SHROOM3: variants seen among roughly 807,000 people sequenced by gnomAD.
The protein encoded by SHROOM3 is protein Shroom3.
A neutral mutation model predicts 138.6 loss-of-function variants in SHROOM3; 47 were observed. The ratio of observed to expected loss-of-function variants is 0.34; its 90% confidence interval spans 0.27 to 0.43. The LOEUF (loss-of-function observed/expected upper bound fraction) is 0.43. SHROOM3 is among the 20% of genes least tolerant of loss of function. The pLI is 1.00. For missense variants in SHROOM3, 2,491 were observed against 2,596.5 expected (o/e 0.96, Z 0.88); for synonymous variants, 1,062 against 1,063.3 (o/e 1.00, Z 0.02).
At chr4:76,700,042 G>A (rs137987386) in intron 2 of SHROOM3, among the ~76,000 whole-genome samples, 59 of 152,266 alleles carry the variant, frequency 3.9e-4, no homozygotes, top group Non-Finnish European at 6.3e-4. Flanking sequence ...AGCTGGCCTC[G>A]TGTCCACTCG....
intron 1 of SHROOM3, among the ~76,000 whole-genome samples, chr4:76,543,385 A>G (rs1467237782): frequency 6.6e-6 from 1 of 152,152 alleles, no homozygotes; most frequent in Non-Finnish European, 1.5e-5. Flanking sequence ...TCCTGGAGGT[A>G]TACGAGCGTG....
chr4:76,630,646 G>A (rs1045439227), intron 2 of SHROOM3, among the ~76,000 whole-genome samples: 3 of 152,186 alleles, frequency 2.0e-5, no homozygotes, highest in Admixed American at 6.5e-5. Context: ...TCACAAAAAA[G>A]TGATTCTTTT....
intron 6 of SHROOM3, among the ~76,000 whole-genome samples, chr4:76,753,847 T>G (rs913512856): frequency 6.6e-6 from 1 of 152,188 alleles, no homozygotes. Flanking sequence ...CAGCAGCCCA[T>G]GCAAATGCTT....
intron 2 of SHROOM3, among the ~76,000 whole-genome samples, chr4:76,624,179 A>G (rs938170705): frequency 6.6e-6 from 1 of 152,188 alleles, no homozygotes; most frequent in African/African-American, 2.4e-5. Context: ...ATTTCTCATT[A>G]AATGCCAGAG....
At chr4:76,641,170 A>G (rs1275414192) in intron 2 of SHROOM3, among the ~76,000 whole-genome samples, 3 of 152,194 alleles carry the variant, frequency 2.0e-5, no homozygotes, top group African/African-American at 7.2e-5. Context: ...AATGCAGGAA[A>G]TATTTATTGA....
Position 76,685,372 on chromosome 4 carries a change from AACAAAAAAAAATC to A in SHROOM3, c.324-24772_324-24760del, listed in dbSNP as rs754234876. Among the ~76,000 whole-genome samples the A allele has an allele frequency of 2.1e-4, 31 of 144,242 alleles. 1 individual carries two copies. The highest frequency in any genetic ancestry group is 1.1e-3 in the Admixed American group (16 of 14,418). 94.6% of individuals were successfully genotyped at this position (144,242 alleles called of 152,430 possible). A position where few individuals can be genotyped will look rare whatever the true frequency, so the allele number is the denominator to read the frequency against. ...ACTAACGATAGCTGATGAGCTAAAA[AACAAAAAAAAATC>A]ACAAAAAAAAAATCCCATAATGTTT... On this transcript the variant is annotated intron_variant, in intron 2 of 10. Coordinates refer to ENST00000296043, the MANE Select transcript of SHROOM3 (RefSeq NM_020859.4).
chr4:76,691,591 G>A (rs1719541901), intron 2 of SHROOM3, among the ~76,000 whole-genome samples: 2 of 152,128 alleles, frequency 1.3e-5, no homozygotes, highest in South Asian at 4.1e-4. Flanking sequence ...TTTCTGGGAA[G>A]GTATAGGTGA....
At chr4:76,635,903 A>C (rs1735481436) in intron 2 of SHROOM3, among the ~76,000 whole-genome samples, 1 of 152,226 alleles carries the variant, frequency 6.6e-6, no homozygotes, top group Non-Finnish European at 1.5e-5. Flanking sequence ...TCAACATCAG[A>C]AATACCCATT....
chr4:76,639,851 A>G (rs1419585302), intron 2 of SHROOM3, among the ~76,000 whole-genome samples: 1 of 152,152 alleles, frequency 6.6e-6, no homozygotes, highest in African/African-American at 2.4e-5. Flanking sequence ...TTTAGGTTAG[A>G]CGACGTTTTC....
intron 4 of SHROOM3, among the ~76,000 whole-genome samples, chr4:76,735,668 C>T (rs1340661152): frequency 6.7e-6 from 1 of 150,046 alleles, no homozygotes; most frequent in African/African-American, 2.5e-5. Context: ...GGTGAAACCC[C>T]GTCTCTACTA....
chr4:76,772,927 C>T (rs1722412446), intron 10 of SHROOM3, among the ~76,000 whole-genome samples: 1 of 152,118 alleles, frequency 6.6e-6, no homozygotes, highest in African/African-American at 2.4e-5. Flanking sequence ...TTAGAAGAAC[C>T]TCTTAATTCT....
At chr4:76,524,567 C>A (rs1159462797) in intron 1 of SHROOM3, among the ~76,000 whole-genome samples, 1 of 152,210 alleles carries the variant, frequency 6.6e-6, no homozygotes, top group Non-Finnish European at 1.5e-5. Flanking sequence ...ATTAACAAAA[C>A]AGGGTTTCTC....
At chr4:76,622,665 A>C (rs1735033858) in intron 2 of SHROOM3, among the ~76,000 whole-genome samples, 2 of 152,104 alleles carry the variant, frequency 1.3e-5, no homozygotes, top group African/African-American at 4.8e-5. Flanking sequence ...CCTTGGTTGA[A>C]GAAAGGAGGC....
At chr4:76,677,648 C>A (rs1302776338) in intron 2 of SHROOM3, among the ~76,000 whole-genome samples, 1 of 152,162 alleles carries the variant, frequency 6.6e-6, no homozygotes, top group Non-Finnish European at 1.5e-5. Context: ...CAGCCAAGAG[C>A]CTGCTAGAAT....
intron 3 of SHROOM3, among the ~76,000 whole-genome samples, chr4:76,723,450 G>A (rs954896671): frequency 6.6e-6 from 1 of 152,116 alleles, no homozygotes; most frequent in African/African-American, 2.4e-5. Flanking sequence ...TTAGGTCTTG[G>A]TTTGAATGTC....
intron 2 of SHROOM3, among the ~76,000 whole-genome samples, chr4:76,622,086 C>A (rs962226858): frequency 6.6e-6 from 1 of 152,080 alleles, no homozygotes; most frequent in African/African-American, 2.4e-5. Flanking sequence ...CCACCTCGGC[C>A]TCCCAAAGTG....
chr4:76,452,672 A>C (rs1030352199), intron 1 of SHROOM3, among the ~76,000 whole-genome samples: 1 of 152,186 alleles, frequency 6.6e-6, no homozygotes, highest in African/African-American at 2.4e-5. Flanking sequence ...CCTTTTAGCT[A>C]TTGTGAATAG....
chr4:76,497,453 CAG>C (rs1392703338), intron 1 of SHROOM3, among the ~76,000 whole-genome samples: 1 of 152,072 alleles, frequency 6.6e-6, no homozygotes, highest in Non-Finnish European at 1.5e-5. Flanking sequence ...AAAATAAAAA[CAG>C]AGGAACATAA....
At chr4:76,640,850 T>C (rs891526769) in intron 2 of SHROOM3, among the ~76,000 whole-genome samples, 1 of 152,206 alleles carries the variant, frequency 6.6e-6, no homozygotes, top group African/African-American at 2.4e-5. Flanking sequence ...GCAGGCTAAG[T>C]TGGAACCACC....
Sources: gnomAD v4.1 joint callset for allele counts (sites outside exome capture counted in the v4.1 genomes callset) on GRCh38, gnomAD v4.1.1 for gene constraint, MANE v1.5 for transcripts, NCBI Gene and HGNC (gene_info 2026-07-23, HGNC 2026-07-21) for gene names.